Variants in MSR1 observed in about 807,000 individuals in gnomAD.
MSR1 encodes macrophage scavenger receptor 1, also known as macrophage scavenger receptor types I and II.
MSR1 carries 53 observed loss-of-function variants against 47.2 expected under a neutral mutation model. The observed-to-expected ratio is 1.12, with a 90% CI of 0.90 to 1.41. The LOEUF (loss-of-function observed/expected upper bound fraction) is 1.41. Among genes scored for constraint, MSR1 ranks in the 40% most tolerant of loss-of-function variants. The pLI, the probability that MSR1 is intolerant of heterozygous loss-of-function variation, is 0.00. For missense variants in MSR1, 786 were observed against 546.9 expected (o/e 1.44, Z -4.36); for synonymous variants, 239 against 185.6 (o/e 1.29, Z -2.34).
At chr8:16,113,713 C>A (rs540477241) in intron 9 of MSR1, among the ~76,000 whole-genome samples, 2 of 152,242 alleles carry the variant, frequency 1.3e-5, no homozygotes, top group South Asian at 4.1e-4. Context: ...GTAAGGCTAA[C>A]ATAGCTTTAA....
At chr8:16,137,848 C>A (rs562824341) in intron 8 of MSR1, among the ~76,000 whole-genome samples, 4 of 151,756 alleles carry the variant, frequency 2.6e-5, no homozygotes, top group African/African-American at 9.7e-5. Flanking sequence ...TTTAAATAGC[C>A]AAGCATGGTG....
chr8:16,182,419 T>G (rs1801859765), intron 1 of MSR1, among the ~76,000 whole-genome samples: 3 of 152,172 alleles, frequency 2.0e-5, no homozygotes, highest in African/African-American at 2.4e-5. Flanking sequence ...AGCCTTAGTT[T>G]ACAGTACCTT....
chr8:16,165,169 G>A (rs1265815159), intron 4 of MSR1, among the ~76,000 whole-genome samples: 1 of 151,926 alleles, frequency 6.6e-6, no homozygotes, highest in Non-Finnish European at 1.5e-5. Context: ...TGACCAAAGG[G>A]ACTAAACATT....
chr8:16,130,727 T>C (rs927002171), intron 8 of MSR1, among the ~76,000 whole-genome samples: 13 of 151,998 alleles, frequency 8.6e-5, no homozygotes, highest in African/African-American at 1.9e-4. Context: ...GGTGAGAACA[T>C]GAAGTGTTTG....
At chr8:16,175,449 C>T in intron 2 of MSR1, 149 bp from the exon 3 acceptor site, 2 of 724,546 alleles carry the variant, frequency 2.8e-6, no homozygotes, top group Non-Finnish European at 4.6e-6. Context: ...CAGTAGAAAG[C>T]AAAAGGACAG....
rs934938825 is a variant in MSR1 at position 16,139,341 on chromosome 8, T to G, written c.1033+4217A>C. On this transcript the variant is annotated intron_variant, in intron 8 of 9. Coordinates refer to ENST00000262101, the MANE Select transcript of MSR1 (RefSeq NM_138715.3). The stretch of plus-strand genomic sequence containing the variant: ...CTTACATCTTTAAAGGACTTTATGA[T>G]TTCACAGAGCATCTTCACACACACA... The G allele has an allele frequency of 1.6e-5, 15 of 965,776 alleles. No individual in the cohort carries two copies. The African/African-American group carries it at 2.6e-4, about 17-fold the overall frequency. 59.8% of individuals were successfully genotyped at this position (965,776 alleles called of 1,614,324 possible).
rs76412191 is a variant in MSR1 at position 16,126,651 on chromosome 8, A to G, written c.1034-6045T>C. On this transcript the variant is annotated intron_variant, in intron 8 of 9. Coordinates refer to ENST00000262101, the MANE Select transcript of MSR1 (RefSeq NM_138715.3). Reference sequence around the variant, plus strand: ...AATTTCTCTAGAAAATTTCTCTAGAAAAATAACATAACATATTGTGTTACT... The same window carrying G: ...AATTTCTCTAGAAAATTTCTCTAGAGAAATAACATAACATATTGTGTTACT... Among the ~76,000 whole-genome samples the G allele has an allele frequency of 1.6e-4, 24 of 152,286 alleles. No homozygotes were observed. The East Asian group carries it at 4.6e-3, about 29-fold the overall frequency.
At chr8:16,186,000 G>A (rs1369157461) in intron 1 of MSR1, among the ~76,000 whole-genome samples, 1 of 152,098 alleles carries the variant, frequency 6.6e-6, no homozygotes, top group African/African-American at 2.4e-5. Flanking sequence ...AAAGAACAAA[G>A]AAGTTCGTGG....
chr8:16,177,951 T>A lies in MSR1; in HGVS notation c.38A>T (p.Asp13Val). The change falls in exon 2 of 10, where the codon GAC becomes GTC. Residue 13 changes from aspartate (D) to valine (V), a missense_variant. Transcript: ENST00000262101. The stretch of plus-strand genomic sequence containing the variant: ...CACAGATTCGGAGCAGCTATCAGTG[T>A]CCTCCTGTTGATTGTGAAAGTGATC... The part of the protein sequence containing the change: ...QWDHFHNQQE[D>V]TDSCSESVKF... 1.2e-6 allele frequency: 2 copies of A among 1,613,896 alleles called. No homozygotes were observed. The highest frequency in any genetic ancestry group is 2.2e-5 in the South Asian group (2 of 91,072).
intron 8 of MSR1, among the ~76,000 whole-genome samples, chr8:16,134,670 A>G (rs1800346990): frequency 6.6e-6 from 1 of 152,202 alleles, no homozygotes; most frequent in African/African-American, 2.4e-5. Context: ...ATTTAAATCA[A>G]AAGCTACACA....
chr8:16,135,159 G>C (rs1800360148), intron 8 of MSR1, among the ~76,000 whole-genome samples: 1 of 152,182 alleles, frequency 6.6e-6, no homozygotes, highest in Non-Finnish European at 1.5e-5. Flanking sequence ...CAATGTAGAT[G>C]AAACAGCTTC....
At chr8:16,187,982 C>T (rs1442014837) in intron 1 of MSR1, among the ~76,000 whole-genome samples, 1 of 152,114 alleles carries the variant, frequency 6.6e-6, no homozygotes, top group Admixed American at 6.6e-5. Flanking sequence ...AGGCAGTGAA[C>T]AACTCACACT....
intron 1 of MSR1, among the ~76,000 whole-genome samples, chr8:16,178,648 T>C (rs1801733006): frequency 6.6e-6 from 1 of 152,188 alleles, no homozygotes; most frequent in Admixed American, 6.5e-5. Context: ...TCAAACGGTA[T>C]TTCTAGTTCT....
chr8:16,143,837 C>A (rs1187331622), intron 7 of MSR1, among the ~76,000 whole-genome samples: 1 of 151,974 alleles, frequency 6.6e-6, no homozygotes, highest in East Asian at 1.9e-4. Context: ...GCCCTAAATG[C>A]CCCATTTTCC....
chr8:16,130,695 C>G (rs1236569004), intron 8 of MSR1, among the ~76,000 whole-genome samples: 1 of 151,970 alleles, frequency 6.6e-6, no homozygotes, highest in African/African-American at 2.4e-5. Flanking sequence ...CGTATCTACT[C>G]AAAGTTCAGT....
chr8:16,120,280 G>C (rs1019055649), intron 9 of MSR1, 138 bp downstream of exon 9: 1 of 862,508 alleles, frequency 1.2e-6, no homozygotes, highest in African/African-American at 1.7e-5. Context: ...GGCAGGCTAA[G>C]GGAGGAGAAT....
intron 9 of MSR1, among the ~76,000 whole-genome samples, chr8:16,110,992 G>T (rs953288258): frequency 1.3e-5 from 2 of 151,984 alleles, no homozygotes; most frequent in African/African-American, 4.8e-5. Flanking sequence ...AGAAGGAAAA[G>T]AAAAAAGGAA....
At chr8:16,118,369 T>A (rs1021277257) in intron 9 of MSR1, among the ~76,000 whole-genome samples, 7 of 152,198 alleles carry the variant, frequency 4.6e-5, no homozygotes, top group African/African-American at 1.7e-4. Context: ...TATACAATTA[T>A]GTATTTTAAA....
At chr8:16,161,014 G>A (rs1422656525) in intron 5 of MSR1, among the ~76,000 whole-genome samples, 3 of 149,696 alleles carry the variant, frequency 2.0e-5, no homozygotes, top group Non-Finnish European at 4.4e-5. Context: ...AGTAATTTGT[G>A]TGGGTTTTCT....
Sources: allele counts gnomAD v4.1 joint callset (sites outside exome capture counted in the v4.1 genomes callset), GRCh38; gene constraint gnomAD v4.1.1; transcripts MANE v1.5; gene names NCBI Gene and HGNC (gene_info 2026-07-23, HGNC 2026-07-21).